Variants in SORL1 observed in about 807,000 individuals in gnomAD.
The protein encoded by SORL1 is sortilin related receptor 1, also known as sortilin-related receptor.
A neutral mutation model predicts 273.7 loss-of-function variants in SORL1; 127 were observed. The ratio of observed to expected loss-of-function variants is 0.46; its 90% CI spans 0.40 to 0.54. SORL1 has a LOEUF of 0.54. SORL1 is among the 20% of genes least tolerant of loss of function. The pLI, the probability that SORL1 is intolerant of heterozygous loss-of-function variation, is 0.00. For missense variants in SORL1, 2,494 were observed against 2,846.1 expected, an observed-to-expected ratio of 0.88 and a Z score of 2.81; for synonymous variants, 1,031 against 1,067.4, an observed-to-expected ratio of 0.97 and a Z score of 0.66.
At chr11:121,485,193 G>A (rs1453179795) in intron 3 of SORL1, among the ~76,000 whole-genome samples, 1 of 152,194 alleles carries the variant, frequency 6.6e-6, no homozygotes, top group South Asian at 2.1e-4. Context: ...GAGAATCAAG[G>A]CTTGAGATGA....
chr11:121,471,640 T>C (rs1269574977), intron 2 of SORL1, among the ~76,000 whole-genome samples: 1 of 152,216 alleles, frequency 6.6e-6, no homozygotes, highest in African/African-American at 2.4e-5. Flanking sequence ...TTATAATTCT[T>C]GAATGCGGAT....
At position 121,550,115 on chromosome 11, in the gene SORL1, A is replaced by G. The variant is rs1483481045; in HGVS notation, c.2180+27A>G. 1 of 1,607,572 alleles carries G rather than the reference A, an allele frequency of 6.2e-7. No individual in the cohort carries two copies. The highest frequency in any genetic ancestry group is 1.1e-5 in the South Asian group (1 of 90,332). On this transcript the variant is annotated intron_variant, in intron 15 of 47. Transcript: ENST00000260197. The surrounding 1 kb of genome is among the most constrained non-coding windows in gnomAD (Gnocchi z 5.3). ...TATGTATCACAGAGGTTGCCCTGTC[A>G]GGTTCTCAGCGGTCCGCACATGGAG...
intron 1 of SORL1, among the ~76,000 whole-genome samples, chr11:121,465,899 G>A (rs1400615139): frequency 6.6e-6 from 1 of 152,140 alleles, no homozygotes; most frequent in Non-Finnish European, 1.5e-5. Flanking sequence ...GCGTGGAGTG[G>A]GGCCTCTTAG....
At chr11:121,512,622 T>A (rs960590682) in intron 6 of SORL1, among the ~76,000 whole-genome samples, 1 of 152,212 alleles carries the variant, frequency 6.6e-6, no homozygotes, top group African/African-American at 2.4e-5. Flanking sequence ...TCTCACCCTT[T>A]AGTGGTTTGG....
chr11:121,540,522 C>CAAAAAAAAAAAA (rs34608652), intron 12 of SORL1, among the ~76,000 whole-genome samples: 27 of 103,782 alleles, frequency 2.6e-4, no homozygotes, highest in East Asian at 8.2e-4. Flanking sequence ...ACTAAAAATA[C>CAAAAAAAAAAAA]AAAAAAAAAA....
Position 121,478,107 on chromosome 11 carries a change from C to A in SORL1, c.403-11C>A. 1 of 1,601,152 alleles carries A rather than the reference C, an allele frequency of 6.2e-7. No homozygotes were observed. The highest frequency in any genetic ancestry group is 8.5e-7 in the Non-Finnish European group (1 of 1,172,882). Reference sequence around the variant, plus strand: ...CTCTTTCTTTTTCATCTCCTTTTCTCTGTATTCCAGGTGTACGTGTCTTAC... The same window carrying A: ...CTCTTTCTTTTTCATCTCCTTTTCTATGTATTCCAGGTGTACGTGTCTTAC... On this transcript the variant is annotated splice_polypyrimidine_tract_variant and intron_variant, in intron 2 of 47. Transcript: ENST00000260197.
chr11:121,482,025 A>G (rs1861398149), intron 3 of SORL1, among the ~76,000 whole-genome samples: 1 of 152,228 alleles, frequency 6.6e-6, no homozygotes, highest in African/African-American at 2.4e-5. Context: ...CATAGTACAC[A>G]GATGCCTATA....
intron 12 of SORL1, among the ~76,000 whole-genome samples, chr11:121,539,098 T>C (rs2134880359): frequency 6.6e-6 from 1 of 152,274 alleles, no homozygotes; most frequent in African/African-American, 2.4e-5. Context: ...GAACTAGAAG[T>C]CTTATCTTGG....
chr11:121,607,284 C>A lies in SORL1; in HGVS notation c.5160C>A (p.Thr1720=). ...IKNLLVNTLY[T]VRVAAVTSRG... The stretch of plus-strand genomic sequence containing the variant: ...ACTTATTGGTCAACACTCTATACAC[C>A]GTCAGAGTGAGTGTCGTCATCCATT... The change falls in exon 37 of 48, where the codon ACC becomes ACA. Residue 1720 remains threonine (T), a synonymous_variant. Transcript: ENST00000260197. The A allele has an allele frequency of 6.4e-7, 1 of 1,552,898 alleles. No homozygotes were observed. The highest frequency in any genetic ancestry group is 8.9e-7 in the Non-Finnish European group (1 of 1,124,580).
At chr11:121,464,622 C>T (rs561143965) in intron 1 of SORL1, among the ~76,000 whole-genome samples, 10 of 152,278 alleles carry the variant, frequency 6.6e-5, no homozygotes, top group South Asian at 4.2e-4. Context: ...TGCCAGGGCA[C>T]GCAGGGGGCT....
At chr11:121,532,693 T>TC (rs1332285576) in intron 12 of SORL1, 141 bp downstream of exon 12, 1 of 698,418 alleles carries the variant, frequency 1.4e-6, no homozygotes, top group East Asian at 2.8e-5. Flanking sequence ...TAAACTTTTT[T>TC]TTTTTTTTTT....
chr11:121,582,853 A>AT (rs1027645357), intron 25 of SORL1, among the ~76,000 whole-genome samples: 30 of 150,548 alleles, frequency 2.0e-4, no homozygotes, highest in South Asian at 6.3e-4. Context: ...TTGAAATTGG[A>AT]TTTTTTTTTT....
intron 14 of SORL1, among the ~76,000 whole-genome samples, chr11:121,549,547 G>T (rs1328313450): frequency 2.6e-5 from 4 of 152,126 alleles, no homozygotes; most frequent in South Asian, 2.1e-4. Context: ...TTTTAAAAAG[G>T]TTATTCTTTT....
At chr11:121,598,484 C>T (rs1863335238) in intron 32 of SORL1, among the ~76,000 whole-genome samples, 1 of 152,188 alleles carries the variant, frequency 6.6e-6, no homozygotes, top group Admixed American at 6.5e-5. Context: ...TGATTGACAT[C>T]AGCATCTGAG....
chr11:121,556,576 C>T (rs967220378), intron 18 of SORL1, among the ~76,000 whole-genome samples: 1 of 152,152 alleles, frequency 6.6e-6, no homozygotes, highest in Non-Finnish European at 1.5e-5. Flanking sequence ...GCACAAGCAC[C>T]CACCTTTTCA....
intron 13 of SORL1, among the ~76,000 whole-genome samples, 183 bp from the exon 14 acceptor site, chr11:121,545,060 G>T (rs1862404665): frequency 6.6e-6 from 1 of 152,192 alleles, no homozygotes; most frequent in African/African-American, 2.4e-5. Flanking sequence ...TGCGTTTCAG[G>T]TATCCTTTTC....
rs537366011 is a variant in SORL1, at chr11:121,483,160, A to T, written c.529-4872A>T. On this transcript the variant is annotated intron_variant, in intron 3 of 47. Coordinates refer to ENST00000260197, the MANE Select transcript of SORL1 (RefSeq NM_003105.6). ...TACATCCTGGGCACAATCATAGCTCACTGTAACCTCAAATTCCTGGGCTCA... is the reference window on the plus strand; with the variant it reads ...TACATCCTGGGCACAATCATAGCTCTCTGTAACCTCAAATTCCTGGGCTCA... Among the ~76,000 whole-genome samples the T allele has an allele frequency of 1.7e-3, 260 of 152,338 alleles. 2 individuals are homozygous for T. The highest frequency in any genetic ancestry group is 5.9e-3 in the African/African-American group (244 of 41,580).
intron 38 of SORL1, chr11:121,609,725 C>T (rs560725898): frequency 1.3e-5 from 2 of 152,286 alleles, no homozygotes; most frequent in African/African-American, 4.8e-5. Context: ...GCCAGACGCG[C>T]CAGGTTAATT....
chr11:121,624,007 CAA>C (rs1361324367), intron 45 of SORL1, among the ~76,000 whole-genome samples: 5 of 152,218 alleles, frequency 3.3e-5, no homozygotes, highest in Admixed American at 1.3e-4. Flanking sequence ...TGGCGGCAGA[CAA>C]AGAGAGAATG....
Sources: allele counts gnomAD v4.1 joint callset (sites outside exome capture counted in the v4.1 genomes callset), GRCh38; gene constraint gnomAD v4.1.1; non-coding constraint Gnocchi (gnomAD v3.1); transcripts MANE v1.5; gene names NCBI Gene and HGNC (gene_info 2026-07-23, HGNC 2026-07-21).